Variants in ATAD3B observed in about 807,000 individuals in gnomAD.
The protein encoded by ATAD3B is ATPase family AAA domain containing 3B, also known as ATPase family AAA domain-containing protein 3B.
ATAD3B carries 59 observed loss-of-function variants against 70.2 expected under a neutral mutation model. The ratio of observed to expected loss-of-function variants is 0.84; its 90% confidence interval spans 0.68 to 1.04. The LOEUF is 1.04. Among genes scored for constraint, ATAD3B ranks in the 50% least tolerant of loss-of-function variants. ATAD3B has a pLI of 0.00. For missense variants in ATAD3B, 961 were observed against 913.4 expected, an observed-to-expected ratio of 1.05 and a Z score of -0.67; for synonymous variants, 423 against 388.6, an observed-to-expected ratio of 1.09 and a Z score of -1.04.
the ATAD3B span, among the ~76,000 whole-genome samples, chr1:1,503,854 C>T: frequency 5.3e-5 from 8 of 151,866 alleles, no homozygotes; most frequent in Non-Finnish European, 8.8e-5. Context: ...CAGAGCCTCC[C>T]GAGAGGGAGG....
At chr1:1,508,656 C>T in the ATAD3B span, among the ~76,000 whole-genome samples, 7 of 151,282 alleles carry the variant, frequency 4.6e-5, no homozygotes, top group East Asian at 3.9e-4. Flanking sequence ...CTGCCTGAAG[C>T]GACACCGAGG....
chr1:1,500,139 C>T (rs1640913145), downstream of ATAD3B, among the ~76,000 whole-genome samples: 1 of 150,758 alleles, frequency 6.6e-6, no homozygotes. Context: ...CTCAGGCGAT[C>T]CACCCGCCTC....
intron 7 of ATAD3B, chr1:1,484,769 C>A (rs1441826339): frequency 8.8e-7 from 1 of 1,135,748 alleles, no homozygotes; most frequent in African/African-American, 1.6e-5. Flanking sequence ...CCGAGGCTTT[C>A]TAGGATTTAT....
chr1:1,489,345 G>T, intron 13 of ATAD3B, 71 bp downstream of exon 13: 2 of 1,605,936 alleles, frequency 1.2e-6, no homozygotes, highest in Non-Finnish European at 1.7e-6. Flanking sequence ...TCCCACTGAG[G>T]GTCCCTGGCT....
chr1:1,504,540 C>T, the ATAD3B span, among the ~76,000 whole-genome samples: 1 of 151,890 alleles, frequency 6.6e-6, no homozygotes, highest in African/African-American at 2.4e-5. Context: ...ATCCCAGCTA[C>T]TCAGGAGGCT....
rs1639969141 is a variant in ATAD3B at position 1,482,460 on chromosome 1, T to C, written c.681-85T>C. 6 of 1,608,852 alleles carry C rather than the reference T, an allele frequency of 3.7e-6. No individual in the cohort carries two copies. In the East Asian group the frequency reaches 1.1e-4, roughly 30 times the overall value. ...CTGTCCTGGCAAGGCCGTGCCGCCA[T>C]GTCAGGGCCTCACCCTCAACCTGCT... On this transcript the variant is annotated intron_variant, in intron 6 of 15. Transcript: ENST00000673477.
intron 7 of ATAD3B, chr1:1,484,777 T>A: frequency 8.5e-7 from 1 of 1,181,642 alleles, no homozygotes; most frequent in Non-Finnish European, 1.1e-6. Context: ...TTCTAGGATT[T>A]ATGCTGCCAG....
At chr1:1,498,409 C>T (rs1007689192), downstream of ATAD3B, among the ~76,000 whole-genome samples, 2 of 151,820 alleles carry the variant, frequency 1.3e-5, no homozygotes, top group African/African-American at 2.4e-5. Context: ...AGGTGACAGC[C>T]GAGATCGCAC....
Position 1,485,057 on chromosome 1 carries a change from C to T in ATAD3B, c.792C>T (p.Ala264=), listed in dbSNP as rs1177573993. 6.2e-7 allele frequency: 1 copy of T among 1,606,334 alleles called. No individual in the cohort carries two copies. The stretch of plus-strand genomic sequence containing the variant: ...TGCTGGCTGTCGGGGTCTACTCAGC[C>T]AAGAATGCGACAGCCGTCACTGGCC... The part of the protein sequence containing the change: ...LTLLAVGVYS[A]KNATAVTGRF... Residue 264 remains alanine (A), a synonymous_variant, in exon 8 of 16, where the codon GCC becomes GCT. Transcript: ENST00000673477.
rs781725723 is a variant in ATAD3B, at chr1:1,495,855, T to A, written c.*38T>A. ...GAGGGGCAGGCCTCCTTCCTGCCCCTCGAGACACTCTTGGGAGATGCATTT... is the reference window on the plus strand; with the variant it reads ...GAGGGGCAGGCCTCCTTCCTGCCCCACGAGACACTCTTGGGAGATGCATTT... On this transcript the variant is annotated 3_prime_UTR_variant, in exon 16 of 16. Coordinates refer to ENST00000673477, the MANE Select transcript of ATAD3B (RefSeq NM_031921.6). 2.9e-5 allele frequency: 44 copies of A among 1,512,198 alleles called. No homozygotes were observed. In the East Asian group the frequency reaches 8.6e-4, roughly 30 times the overall value. The allele number at this position is 1,512,198 out of a possible 1,614,324, so 93.7% of individuals were successfully genotyped here. A position where few individuals can be genotyped will look rare whatever the true frequency, so the allele number is the denominator to read the frequency against.
At chr1:1,483,053 C>T (rs917456999) in intron 7 of ATAD3B, 13 of 454,740 alleles carry the variant, frequency 2.9e-5, no homozygotes, top group African/African-American at 8.0e-5. Flanking sequence ...CCAGCATTTT[C>T]GGAGGCGGAG....
At chr1:1,491,318 G>A (rs1043879046) in intron 15 of ATAD3B, among the ~76,000 whole-genome samples, 8 of 151,928 alleles carry the variant, frequency 5.3e-5, no homozygotes, top group Admixed American at 4.6e-4. Flanking sequence ...GGCATATCAC[G>A]GGGTCAGATT....
chr1:1,486,600 C>T lies in ATAD3B; in HGVS notation c.1146C>T (p.Ala382=), dbSNP rs1456734523. Residue 382 remains alanine, a synonymous_variant, in exon 11 of 16, where the codon GCC becomes GCT. Transcript: ENST00000673477. ...CCATCATGACAGGCGGGGACGTGGC[C>T]CCCATGGGGCGGGAAGGCGTGACCG... ...DYAIMTGGDV[A]PMGREGVTAM... The T allele has an allele frequency of 2.5e-6, 4 of 1,611,470 alleles. 1 individual carries two copies. Among genetic ancestry groups the T allele is most frequent in the East Asian group, 2.2e-5 (1 of 44,840 alleles).
At chr1:1,485,293 C>T (rs1214913730) in intron 8 of ATAD3B, 122 bp downstream of exon 8, 22 of 1,466,202 alleles carry the variant, frequency 1.5e-5, no homozygotes, top group East Asian at 7.4e-5. Flanking sequence ...GGCACCCGCA[C>T]GCTGCTTCAC....
chr1:1,492,194 A>G (rs911245268), intron 15 of ATAD3B, among the ~76,000 whole-genome samples: 4 of 151,822 alleles, frequency 2.6e-5, no homozygotes, highest in Admixed American at 2.0e-4. Flanking sequence ...TTAAAAACTG[A>G]GAATAATTTG....
chr1:1,509,354 C>T, the ATAD3B span: 448 of 1,610,264 alleles, frequency 2.8e-4, 5 homozygotes, highest in South Asian at 4.7e-3. Flanking sequence ...CATCCTGAGT[C>T]CATGGGGAGA....
the ATAD3B span, among the ~76,000 whole-genome samples, chr1:1,507,831 GATTTTAGGTTCCCAGAAAA>G: frequency 1.3e-5 from 2 of 152,346 alleles, no homozygotes; most frequent in Non-Finnish European, 2.9e-5. Flanking sequence ...ACAGCTTGGA[GATTTTAGGTTCCCAGAAAA>G]ATTGCAAGGG....
chr1:1,476,380 C>T (rs1443033327), intron 1 of ATAD3B, among the ~76,000 whole-genome samples: 6 of 150,938 alleles, frequency 4.0e-5, no homozygotes, highest in Non-Finnish European at 5.9e-5. Flanking sequence ...TAGTTAGTGA[C>T]GTGTTTGCTG....
chr1:1,484,805 C>G (rs983276796), intron 7 of ATAD3B: 2 of 1,335,200 alleles, frequency 1.5e-6, no homozygotes, highest in East Asian at 5.2e-5. Flanking sequence ...GAAAATGGCC[C>G]TGAGTGAGGG....
Sources: gnomAD v4.1 joint callset for allele counts (sites outside exome capture counted in the v4.1 genomes callset) on GRCh38, gnomAD v4.1.1 for gene constraint, MANE v1.5 for transcripts, NCBI Gene and HGNC (gene_info 2026-07-23, HGNC 2026-07-21) for gene names.